TBK1: variants seen among roughly 807,000 people sequenced by gnomAD.
TBK1 encodes the protein serine/threonine-protein kinase TBK1.
In TBK1, 37 loss-of-function variants were observed where a neutral mutation model predicts 99.9. That is an observed-to-expected ratio of 0.37 (90% CI 0.28 to 0.49). The LOEUF (loss-of-function observed/expected upper bound fraction) is 0.49. Among genes scored for constraint, TBK1 ranks in the 20% least tolerant of loss-of-function variants. TBK1 has a pLI of 0.98. For synonymous variants in TBK1, 258 were observed against 279.8 expected, an observed-to-expected ratio of 0.92 and a Z score of 0.78; for missense variants, 644 against 872.5, an observed-to-expected ratio of 0.74 and a Z score of 3.30.
intron 5 of TBK1, among the ~76,000 whole-genome samples, chr12:64,473,959 G>A (rs1327310230): frequency 2.0e-5 from 3 of 151,988 alleles, no homozygotes; most frequent in African/African-American, 7.3e-5. Flanking sequence ...ATTCAGGTAG[G>A]TTGTATTTGG....
chr12:64,479,175 T>C (rs1332116656), intron 6 of TBK1, among the ~76,000 whole-genome samples: 2 of 152,270 alleles, frequency 1.3e-5, no homozygotes, highest in Non-Finnish European at 2.9e-5. Flanking sequence ...TTGCATGTTA[T>C]GAATGTACTT....
At chr12:64,482,262 C>T (rs78629630) in intron 8 of TBK1, among the ~76,000 whole-genome samples, 1,673 of 152,214 alleles carry the variant, frequency 0.011, 17 homozygotes, top group Non-Finnish European at 0.017. Context: ...TACAAAAGTA[C>T]TTTCATTGCT....
At chr12:64,484,615 G>T in intron 9 of TBK1, 116 bp downstream of exon 9, 1 of 988,622 alleles carries the variant, frequency 1.0e-6, no homozygotes, top group Non-Finnish European at 1.4e-6. Context: ...AGTGGGGCAT[G>T]GTGGCTTGCA....
At chr12:64,491,550 G>C (rs2040869810) in intron 13 of TBK1, among the ~76,000 whole-genome samples, 1 of 152,146 alleles carries the variant, frequency 6.6e-6, no homozygotes, top group South Asian at 2.1e-4. Context: ...TTGAACCGAG[G>C]AGGCGAACGT....
Position 64,488,586 on chromosome 12 carries a change from A to C in TBK1, c.1440A>C (p.Lys480Asn). Residue 480 changes from lysine to asparagine, a missense_variant and splice_region_variant, in exon 12 of 21, where the codon AAA becomes AAC. Transcript: ENST00000331710. ...TCAGAAACATTGAAAAAACTGTGAA[A>C]GTGTGAGTAGACTACTTCCTTACTA... ...FCIRNIEKTV[K>N]VYEKLMKINL... The C allele has an allele frequency of 1.3e-6, 2 of 1,582,214 alleles. No individual in the cohort carries two copies. Among genetic ancestry groups the C allele is most frequent in the Non-Finnish European group, 1.7e-6 (2 of 1,161,026 alleles).
At chr12:64,472,344 G>C (rs939442413) in intron 5 of TBK1, among the ~76,000 whole-genome samples, 1 of 148,248 alleles carries the variant, frequency 6.7e-6, no homozygotes, top group African/African-American at 2.5e-5. Flanking sequence ...GCCCCTCCCA[G>C]CAGCATTTCC....
chr12:64,483,535 A>G (rs1232014220), intron 8 of TBK1, among the ~76,000 whole-genome samples: 1 of 152,188 alleles, frequency 6.6e-6, no homozygotes, highest in African/African-American at 2.4e-5. Flanking sequence ...CCTCACAACA[A>G]TTCTGTGAAG....
chr12:64,455,620 A>G (rs1372647388), intron 1 of TBK1, among the ~76,000 whole-genome samples: 4 of 152,216 alleles, frequency 2.6e-5, no homozygotes, highest in Non-Finnish European at 5.9e-5. Context: ...TCTAACTTGA[A>G]TCATAATGGT....
At chr12:64,497,826 C>T (rs1465043824) in intron 19 of TBK1, 72 bp downstream of exon 19, 3 of 1,438,102 alleles carry the variant, frequency 2.1e-6, no homozygotes, top group East Asian at 2.3e-5. Context: ...TTTGCTCTTA[C>T]ATTTTGAAAT....
intron 10 of TBK1, 55 bp downstream of exon 10, chr12:64,485,568 A>T: frequency 1.1e-6 from 1 of 891,886 alleles, no homozygotes; most frequent in Non-Finnish European, 1.7e-6. Context: ...TATCCTATCA[A>T]TAGTGGAAGC....
At chr12:64,464,794 A>T (rs1276340830) in intron 4 of TBK1, among the ~76,000 whole-genome samples, 1 of 152,202 alleles carries the variant, frequency 6.6e-6, no homozygotes, top group Non-Finnish European at 1.5e-5. Flanking sequence ...ATTCGCATAG[A>T]CATTTCTCCA....
chr12:64,489,171 CTG>C (rs1440588778), intron 12 of TBK1, among the ~76,000 whole-genome samples: 5 of 152,040 alleles, frequency 3.3e-5, no homozygotes, highest in African/African-American at 9.7e-5. Flanking sequence ...AAAACAGAAA[CTG>C]TGAATAAGAA....
intron 9 of TBK1, 26 bp from the exon 10 acceptor site, chr12:64,485,429 T>C (rs1278942782): frequency 1.5e-6 from 2 of 1,321,224 alleles, no homozygotes; most frequent in Non-Finnish European, 1.1e-6. Flanking sequence ...GTTTTCTTTC[T>C]CATTTTATTT....
At chr12:64,473,862 G>C (rs542454002) in intron 5 of TBK1, among the ~76,000 whole-genome samples, 2 of 152,140 alleles carry the variant, frequency 1.3e-5, no homozygotes, top group South Asian at 2.1e-4. Context: ...ACTCGAACCC[G>C]GGAAGCAGAG....
chr12:64,455,835 C>A lies in TBK1; in HGVS notation c.-31-5C>A. 6.5e-7 allele frequency: 1 copy of A among 1,545,584 alleles called. No homozygotes were observed. Among genetic ancestry groups the A allele is most frequent in the South Asian group, 1.2e-5 (1 of 83,810 alleles). ...ACATAGTTGCAAATTTTTTTTTTCT[C>A]TTAGTATAACAAGAGGATTGCCTGA... On this transcript the variant is annotated splice_region_variant and splice_polypyrimidine_tract_variant and intron_variant, in intron 1 of 20. Coordinates refer to ENST00000331710, the MANE Select transcript of TBK1 (RefSeq NM_013254.4).
intron 4 of TBK1, among the ~76,000 whole-genome samples, chr12:64,465,267 A>G (rs2040591638): frequency 6.8e-6 from 1 of 146,780 alleles, no homozygotes; most frequent in Non-Finnish European, 1.5e-5. Context: ...AAAAAAAACA[A>G]GTGTTGGCAA....
chr12:64,476,967 A>G (rs1003002263), intron 6 of TBK1, among the ~76,000 whole-genome samples: 2 of 152,116 alleles, frequency 1.3e-5, no homozygotes, highest in African/African-American at 4.8e-5. Context: ...TGTCAAAGAT[A>G]TGTTGGTTGT....
chr12:64,457,721 C>G (rs1565811174), intron 2 of TBK1, among the ~76,000 whole-genome samples: 1 of 152,176 alleles, frequency 6.6e-6, no homozygotes, highest in Non-Finnish European at 1.5e-5. Flanking sequence ...GAAGATACGT[C>G]ACATATCCTG....
intron 6 of TBK1, among the ~76,000 whole-genome samples, chr12:64,478,918 A>T (rs1020661011): frequency 6.6e-6 from 1 of 152,218 alleles, no homozygotes; most frequent in Non-Finnish European, 1.5e-5. Context: ...GCTGCTCACT[A>T]ATAAAGGAAA....
Sources: allele counts gnomAD v4.1 joint callset (sites outside exome capture counted in the v4.1 genomes callset), GRCh38; gene constraint gnomAD v4.1.1; transcripts MANE v1.5; gene names NCBI Gene and HGNC (gene_info 2026-07-23, HGNC 2026-07-21).